FAT1: variants seen among roughly 807,000 people sequenced by gnomAD.
The protein encoded by FAT1 is FAT atypical cadherin 1, also known as protocadherin Fat 1.
FAT1 carries 171 observed loss-of-function variants against 329.8 expected under a neutral mutation model. That is an observed-to-expected ratio of 0.52 (90% CI 0.46 to 0.59). The LOEUF (loss-of-function observed/expected upper bound fraction) is 0.59. FAT1 is among the 20% of genes least tolerant of loss of function. The pLI is 0.00. For missense variants in FAT1, 5,672 were observed against 5,774.4 expected, an observed-to-expected ratio of 0.98 and a Z score of 0.57; for synonymous variants, 2,233 against 2,228.6, an observed-to-expected ratio of 1.00 and a Z score of -0.06.
rs2126508126 is a variant in FAT1, at chr4:186,619,688, T to G, written c.6898A>C (p.Thr2300Pro). 6.2e-7 allele frequency: 1 copy of G among 1,613,958 alleles called. No homozygotes were observed. Among genetic ancestry groups the G allele is most frequent in the Non-Finnish European group, 8.5e-7 (1 of 1,179,884 alleles). The change falls in exon 10 of 27, where the codon ACG (threonine) becomes CCG (proline). Residue 2300 changes from threonine to proline, a missense_variant. Thr to Pro is a conservative substitution (Grantham distance 38). This residue lies in a region of FAT1 where 3,966 missense variants were observed against 3,915.2 expected (regional missense o/e 1.01). Transcript: ENST00000441802. ...GTGGCTCTAACTTGAACAACAGACG[T>G]TCCAATTACAGATGCCTCAGACAGG... ...VTLSEASVIG[T>P]SVVQVRATDS...
At position 186,619,800 on chromosome 4, in the gene FAT1, G is replaced by A. The variant is rs371206556; in HGVS notation, c.6786C>T (p.Gly2262=). The A allele has an allele frequency of 9.4e-5, 152 of 1,613,888 alleles. No homozygotes were observed. The highest frequency in any genetic ancestry group is 1.2e-4 in the Non-Finnish European group (146 of 1,179,902). ...LSIRATDSLT[G]AHAEVFVDII... Reference sequence around the variant, plus strand: ...TGTCCACAAATACTTCAGCATGAGCGCCCGTCAAGGAGTCAGTTGCGCGTA... The same window carrying A: ...TGTCCACAAATACTTCAGCATGAGCACCCGTCAAGGAGTCAGTTGCGCGTA... Residue 2262 remains glycine, a synonymous_variant, in exon 10 of 27, where the codon GGC becomes GGT. Coordinates refer to ENST00000441802, the MANE Select transcript of FAT1 (RefSeq NM_005245.4).
At position 186,589,207 on chromosome 4, in the gene FAT1, A is replaced by G. The variant is rs764447348; in HGVS notation, c.13152T>C (p.Asp4384=). The G allele has an allele frequency of 6.2e-7, 1 of 1,608,862 alleles. No homozygotes were observed. Among genetic ancestry groups the G allele is most frequent in the Non-Finnish European group, 8.5e-7 (1 of 1,177,522 alleles). Residue 4384 remains aspartate (D), a synonymous_variant, in exon 27 of 27, where the codon GAT becomes GAC. Transcript: ENST00000441802. The part of the protein sequence containing the change: ...ESCDDNGYHW[D]TSDWMPSVPL... ...GAACGCTTGGCATCCAATCTGATGT[A>G]TCCCAGTGATACCCTTGGTGGAAAA...
chr4:186,650,320 T>G (rs1741577822), intron 3 of FAT1, among the ~76,000 whole-genome samples: 1 of 152,220 alleles, frequency 6.6e-6, no homozygotes, highest in African/African-American at 2.4e-5. Flanking sequence ...CTCATATTCT[T>G]TCCTCTCCAT....
intron 3 of FAT1, among the ~76,000 whole-genome samples, chr4:186,643,927 G>A (rs746066546): frequency 2.0e-5 from 3 of 151,824 alleles, no homozygotes; most frequent in Admixed American, 6.6e-5. Flanking sequence ...TTTCATTTTC[G>A]ACATCTGTGC....
At position 186,675,602 on chromosome 4, in the gene FAT1, A is replaced by C. The variant is rs561734077; in HGVS notation, c.3266-11989T>G. 1.2e-3 allele frequency among the ~76,000 whole-genome samples: 185 copies of C among 152,122 alleles called. 2 individuals carry two copies. The highest frequency in any genetic ancestry group is 1.7e-3 in the Non-Finnish European group (113 of 67,982). On this transcript the variant is annotated intron_variant, in intron 2 of 26. Coordinates refer to ENST00000441802, the MANE Select transcript of FAT1 (RefSeq NM_005245.4). ...GGCAACATGGCAAAACCCTGTCTCT[A>C]CTAAAAATACAAAAAATTTGCCAAG...
Position 186,619,371 on chromosome 4 carries a change from A to G in FAT1, c.7215T>C (p.His2405=), listed in dbSNP as rs1246988296. The change falls in exon 10 of 27, where the codon CAT becomes CAC. Residue 2405 remains histidine, a synonymous_variant. Coordinates refer to ENST00000441802, the MANE Select transcript of FAT1 (RefSeq NM_005245.4). The part of the protein sequence containing the change: ...YEARISEHAP[H]GHFVTCVKAY... ...CTTTTACACAGGTCACGAAATGCCC[A>G]TGAGGGGCGTGCTCGCTAATTCTGG... 5 of 1,614,030 alleles carry G rather than the reference A, an allele frequency of 3.1e-6. No individual in the cohort carries two copies. The Admixed American group carries it at 8.3e-5, about 27-fold the overall frequency.
intron 9 of FAT1, among the ~76,000 whole-genome samples, chr4:186,625,155 G>A (rs1164856794): frequency 7.2e-5 from 11 of 152,306 alleles, no homozygotes; most frequent in Non-Finnish European, 1.5e-4. Flanking sequence ...ACAATTATGT[G>A]AAAGCTAAGG....
chr4:186,715,935 G>T (rs1745186248), intron 1 of FAT1, among the ~76,000 whole-genome samples: 1 of 151,948 alleles, frequency 6.6e-6, no homozygotes, highest in Non-Finnish European at 1.5e-5. Context: ...CTTCATTAGG[G>T]AGACCTTCAT....
intron 2 of FAT1, among the ~76,000 whole-genome samples, chr4:186,696,784 G>T (rs1035860353): frequency 6.6e-6 from 1 of 152,276 alleles, no homozygotes; most frequent in Non-Finnish European, 1.5e-5. Context: ...AACACTTTGG[G>T]AAGCCAAGGT....
chr4:186,628,961 GATA>G (rs1740455918), intron 7 of FAT1, among the ~76,000 whole-genome samples, 198 bp from the exon 8 acceptor site: 1 of 152,162 alleles, frequency 6.6e-6, no homozygotes, highest in Non-Finnish European at 1.5e-5. Flanking sequence ...ATATGAGTAA[GATA>G]ATGATGACCT....
chr4:186,617,614 A>T (rs1739773720), intron 10 of FAT1, 94 bp downstream of exon 10: 2 of 1,043,596 alleles, frequency 1.9e-6, no homozygotes, highest in African/African-American at 1.6e-5. Context: ...ATCATCCCTT[A>T]AATCCCCAAT....
At chr4:186,635,980 T>C in intron 6 of FAT1, 45 bp downstream of exon 6, 1 of 1,545,034 alleles carries the variant, frequency 6.5e-7, no homozygotes, top group Non-Finnish European at 8.9e-7. Context: ...CAGGTTCTCC[T>C]CAGTGTAACC....
intron 24 of FAT1, 116 bp downstream of exon 24, chr4:186,597,566 G>A (rs1037557928): frequency 1.0e-5 from 7 of 702,370 alleles, no homozygotes; most frequent in East Asian, 2.7e-5. Context: ...GGGCCAATAT[G>A]AGGATTATCA....
intron 11 of FAT1, among the ~76,000 whole-genome samples, chr4:186,615,916 T>C (rs1431447047): frequency 6.6e-6 from 1 of 152,170 alleles, no homozygotes; most frequent in Non-Finnish European, 1.5e-5. Context: ...GTATGTCTCA[T>C]TACTTTAGCA....
At chr4:186,650,885 T>C (rs1359898615) in intron 3 of FAT1, among the ~76,000 whole-genome samples, 1 of 151,964 alleles carries the variant, frequency 6.6e-6, no homozygotes, top group Non-Finnish European at 1.5e-5. Context: ...TTAGGTAAGC[T>C]ACCAAAGAAC....
rs555522136 is a variant in FAT1, at chr4:186,691,814, CAAA to C, written c.3265+14746_3265+14748del. On this transcript the variant is annotated intron_variant, in intron 2 of 26. Coordinates refer to ENST00000441802, the MANE Select transcript of FAT1 (RefSeq NM_005245.4). The stretch of plus-strand genomic sequence containing the variant: ...GTGAGATCCCATCTCTAAATAAAAA[CAAA>C]ATAAAATATTAAAAAAAACAGAAAC... Among the ~76,000 whole-genome samples the C allele has an allele frequency of 2.9e-3, 446 of 151,998 alleles. 2 individuals are homozygous for C. Among genetic ancestry groups the C allele is most frequent in the African/African-American group, 0.01 (426 of 41,446 alleles).
In FAT1 at chr4:186,692,867, C is replaced by T. The variant is rs796239585; in HGVS notation, c.3265+13696G>A. Among the ~76,000 whole-genome samples the T allele has an allele frequency of 4.3e-4, 66 of 152,286 alleles. 1 individual carries two copies. The highest frequency in any genetic ancestry group is 1.5e-3 in the African/African-American group (64 of 41,562). ...CGAACATCTGCAGGCCAAAGTCTAT[C>T]GTGAAGAACCCCTTGCTGCCCTTTA... On this transcript the variant is annotated intron_variant, in intron 2 of 26. Coordinates refer to ENST00000441802, the MANE Select transcript of FAT1 (RefSeq NM_005245.4).
At position 186,636,610 on chromosome 4, in the gene FAT1, G is replaced by A. The variant is rs1268221439; in HGVS notation, c.3947C>T (p.Ala1316Val). 3.1e-6 allele frequency: 5 copies of A among 1,612,302 alleles called. No homozygotes were observed. The highest frequency in any genetic ancestry group is 4.2e-6 in the Non-Finnish European group (5 of 1,179,080). ...TGAAAGAATATCATATTCTCCAGCT[G>A]CTGAAAACCTCTTGGACGAAACCAC... ...TGVVSSKRFS[A>V]AGEYDILSIK... The change falls in exon 5 of 27, where the codon GCA (alanine) becomes GTA (valine). Residue 1316 changes from alanine (A) to valine (V), a missense_variant. By Grantham distance (64) the Ala-to-Val change is moderately conservative (BLOSUM62 0). Around this residue, in one of 2 missense-constraint regions of FAT1, gnomAD observed 3,966 missense variants for 3,915.2 expected, o/e 1.01. Coordinates refer to ENST00000441802, the MANE Select transcript of FAT1 (RefSeq NM_005245.4).
intron 9 of FAT1, among the ~76,000 whole-genome samples, chr4:186,621,978 C>T (rs1424664687): frequency 1.3e-5 from 2 of 152,132 alleles, no homozygotes; most frequent in African/African-American, 4.8e-5. Flanking sequence ...AGAATTTTGT[C>T]CATAAATGAT....
Sources: gnomAD v4.1 joint callset for allele counts (sites outside exome capture counted in the v4.1 genomes callset) on GRCh38, gnomAD v4.1.1 for gene constraint, gnomAD v4.1.1 regional missense constraint, MANE v1.5 for transcripts, NCBI Gene and HGNC (gene_info 2026-07-23, HGNC 2026-07-21) for gene names.